The following RSRC1 variants were observed in gnomAD, a reference collection of about 807,000 sequenced individuals.
The protein encoded by RSRC1 is serine/Arginine-related protein 53.
RSRC1 carries 39 observed loss-of-function variants against 49.1 expected under a neutral mutation model. The ratio of observed to expected loss-of-function variants is 0.79; its 90% CI spans 0.61 to 1.04. The LOEUF (loss-of-function observed/expected upper bound fraction) is 1.04. Ranked by LOEUF, RSRC1 falls within the 50% of genes least tolerant of loss-of-function variation. The pLI is 0.00. For missense variants in RSRC1, 388 were observed against 402.4 expected (o/e 0.96, Z 0.31); for synonymous variants, 143 against 130.8 (o/e 1.09, Z -0.63).
At chr3:158,213,024 T>C (rs1252440518) in intron 4 of RSRC1, among the ~76,000 whole-genome samples, 1 of 151,960 alleles carries the variant, frequency 6.6e-6, no homozygotes, top group Non-Finnish European at 1.5e-5. Flanking sequence ...ACCATAATGC[T>C]TGATTGACAT....
intron 1 of RSRC1, among the ~76,000 whole-genome samples, chr3:158,119,535 C>G (rs1715102155): frequency 6.6e-6 from 1 of 151,786 alleles, no homozygotes; most frequent in African/African-American, 2.4e-5. Context: ...AAGGTAAAAA[C>G]AAGAAAGGAA....
At chr3:158,521,144 GTAGT>G (rs1711651697) in intron 7 of RSRC1, among the ~76,000 whole-genome samples, 1 of 152,096 alleles carries the variant, frequency 6.6e-6, no homozygotes, top group South Asian at 2.1e-4. Context: ...CCTATTGGTG[GTAGT>G]TAATGTTATG....
chr3:158,206,788 C>T (rs1013132772), intron 4 of RSRC1, among the ~76,000 whole-genome samples: 9 of 152,002 alleles, frequency 5.9e-5, no homozygotes, highest in African/African-American at 2.2e-4. Flanking sequence ...GTGGTGCGTG[C>T]CTGTAATCCC....
intron 4 of RSRC1, chr3:158,275,697 G>T (rs1725769976): frequency 2.6e-6 from 1 of 388,890 alleles, no homozygotes; most frequent in Non-Finnish European, 4.0e-6. Context: ...TTCTTAATTT[G>T]ATATTCATGA....
chr3:158,114,974 C>T (rs949673957), intron 1 of RSRC1, among the ~76,000 whole-genome samples: 3 of 152,034 alleles, frequency 2.0e-5, no homozygotes, highest in Non-Finnish European at 4.4e-5. Flanking sequence ...TCTTCCTATT[C>T]GAATACCCTT....
At chr3:158,207,662 T>TAGATAGATAGATAGATAGACAGACAGAC (rs55689613) in intron 4 of RSRC1, among the ~76,000 whole-genome samples, 35 of 149,054 alleles carry the variant, frequency 2.3e-4, no homozygotes, top group African/African-American at 7.9e-4. Context: ...GATAGATAGA[T>TAGATAGATAGATAGATAGACAGACAGAC]AGACAGAGAG....
chr3:158,506,017 A>G (rs1255322796), intron 7 of RSRC1, among the ~76,000 whole-genome samples: 4 of 152,208 alleles, frequency 2.6e-5, no homozygotes, highest in Non-Finnish European at 4.4e-5. Context: ...TACTGGGGAA[A>G]TACTACAGGA....
intron 4 of RSRC1, among the ~76,000 whole-genome samples, chr3:158,294,357 A>G (rs780293639): frequency 6.6e-6 from 1 of 152,050 alleles, no homozygotes; most frequent in African/African-American, 2.4e-5. Context: ...ACTATCATAT[A>G]TTGGTTCTTT....
rs552250682 is a variant in RSRC1, at chr3:158,279,214, A to G, written c.495-18825A>G. Among the ~76,000 whole-genome samples the G allele has an allele frequency of 1.4e-3, 212 of 152,348 alleles. 1 individual carries two copies. Among genetic ancestry groups the G allele is most frequent in the Non-Finnish European group, 2.0e-3 (138 of 68,034 alleles). ...GATTTTTTGTGTGCCTTGAGCAGCAATGCAACCTAATGAGAGTGCCATCCG... is the reference window on the plus strand; with the variant it reads ...GATTTTTTGTGTGCCTTGAGCAGCAGTGCAACCTAATGAGAGTGCCATCCG... On this transcript the variant is annotated intron_variant, in intron 4 of 9. Transcript: ENST00000611884.
intron 5 of RSRC1, among the ~76,000 whole-genome samples, chr3:158,300,678 T>C (rs1298963368): frequency 6.6e-6 from 1 of 152,186 alleles, no homozygotes; most frequent in Non-Finnish European, 1.5e-5. Context: ...TATATGATAA[T>C]ATTAAAATAA....
intron 7 of RSRC1, among the ~76,000 whole-genome samples, chr3:158,509,440 TCTC>T (rs1247634005): frequency 6.6e-6 from 1 of 152,172 alleles, no homozygotes; most frequent in Admixed American, 6.5e-5. Flanking sequence ...TGCGTATTCT[TCTC>T]TTGCAGAATT....
intron 1 of RSRC1, among the ~76,000 whole-genome samples, chr3:158,121,599 T>A (rs970041508): frequency 6.6e-6 from 1 of 152,166 alleles, no homozygotes; most frequent in Non-Finnish European, 1.5e-5. Context: ...TTTAAAGATG[T>A]AGAATTTTCT....
chr3:158,276,827 T>A (rs1725845591), intron 4 of RSRC1, among the ~76,000 whole-genome samples: 1 of 152,226 alleles, frequency 6.6e-6, no homozygotes. Context: ...TATCAATATT[T>A]ATCTTAGTGA....
intron 7 of RSRC1, among the ~76,000 whole-genome samples, chr3:158,520,027 T>G (rs1348432360): frequency 6.6e-6 from 1 of 152,164 alleles, no homozygotes; most frequent in African/African-American, 2.4e-5. Flanking sequence ...TGGTCACTTC[T>G]GTTGAATGAC....
intron 6 of RSRC1, among the ~76,000 whole-genome samples, chr3:158,368,049 A>G (rs1412113747): frequency 6.6e-6 from 1 of 152,186 alleles, no homozygotes; most frequent in African/African-American, 2.4e-5. Flanking sequence ...TAGGAAAAAA[A>G]AAGGTACCAG....
intron 6 of RSRC1, among the ~76,000 whole-genome samples, chr3:158,386,976 A>G (rs531396536): frequency 6.6e-5 from 10 of 152,220 alleles, no homozygotes; most frequent in Non-Finnish European, 1.5e-4. Context: ...AAGAAATTCC[A>G]TGAAGTACAT....
chr3:158,451,112 A>C (rs946720294), intron 6 of RSRC1, among the ~76,000 whole-genome samples: 1 of 151,876 alleles, frequency 6.6e-6, no homozygotes, highest in African/African-American at 2.4e-5. Context: ...TCCTTAGTCC[A>C]GAATAATATT....
At chr3:158,196,766 T>G (rs1720647860) in intron 3 of RSRC1, among the ~76,000 whole-genome samples, 1 of 152,172 alleles carries the variant, frequency 6.6e-6, no homozygotes, top group African/African-American at 2.4e-5. Context: ...AATCATGTGG[T>G]TTTTGTCATT....
chr3:158,297,995 C>T, intron 4 of RSRC1, 44 bp from the exon 5 acceptor site: 1 of 1,413,272 alleles, frequency 7.1e-7, no homozygotes, highest in Non-Finnish European at 1.0e-6. Context: ...TTAGAGCAGA[C>T]AAGGATTTAG....
Sources: allele counts gnomAD v4.1 joint callset (sites outside exome capture counted in the v4.1 genomes callset), GRCh38; gene constraint gnomAD v4.1.1; transcripts MANE v1.5; gene names NCBI Gene and HGNC (gene_info 2026-07-23, HGNC 2026-07-21).